The following LRP1B variants were observed in gnomAD, a reference collection of about 807,000 sequenced individuals.
LRP1B encodes low-density lipoprotein receptor-related protein 1B.
Under a neutral mutation model 556.6 loss-of-function variants are expected in LRP1B, and 217 were observed. That is an observed-to-expected ratio of 0.39 (90% CI 0.35 to 0.44). LRP1B has a LOEUF of 0.44. LRP1B is among the 20% of genes least tolerant of loss of function. The pLI, the probability that LRP1B is intolerant of heterozygous loss-of-function variation, is 1.00. For missense variants in LRP1B, 5,053 were observed against 5,620.8 expected (o/e 0.90, Z 3.23); for synonymous variants, 2,047 against 1,865.8 (o/e 1.10, Z -2.50).
intron 41 of LRP1B, among the ~76,000 whole-genome samples, chr2:140,694,990 A>T (rs1336682971): frequency 1.3e-5 from 2 of 150,722 alleles, no homozygotes; most frequent in African/African-American, 2.4e-5. Flanking sequence ...TTCTTTTCAT[A>T]CTTTTTTTTT....
chr2:140,615,547 G>A (rs1414558446), intron 41 of LRP1B, among the ~76,000 whole-genome samples: 1 of 152,066 alleles, frequency 6.6e-6, no homozygotes, highest in Admixed American at 6.6e-5. Flanking sequence ...AACATGACTT[G>A]GTTATGCTTA....
chr2:140,803,876 A>AC (rs1249833130), intron 32 of LRP1B, among the ~76,000 whole-genome samples: 2 of 34,936 alleles, frequency 5.7e-5, no homozygotes, highest in Admixed American at 3.3e-4. Flanking sequence ...CACCCCCCCA[A>AC]CCCCCCCAAA....
At chr2:140,345,769 CAT>C (rs1351068335) in intron 77 of LRP1B, among the ~76,000 whole-genome samples, 51 of 125,682 alleles carry the variant, frequency 4.1e-4, no homozygotes, top group Middle Eastern at 3.9e-3. Flanking sequence ...CATATATACA[CAT>C]ATATATACAT....
chr2:140,302,627 A>G (rs1683884150), intron 83 of LRP1B, among the ~76,000 whole-genome samples: 2 of 152,160 alleles, frequency 1.3e-5, no homozygotes, highest in Non-Finnish European at 2.9e-5. Context: ...TCAGCAGACC[A>G]AGTAAGAAAG....
intron 1 of LRP1B, among the ~76,000 whole-genome samples, chr2:141,978,583 ACAGGG>A (rs1180205492): frequency 6.6e-6 from 1 of 152,014 alleles, no homozygotes; most frequent in Non-Finnish European, 1.5e-5. Context: ...GTATGAAAAT[ACAGGG>A]CAGGTTAATC....
At chr2:141,162,993 G>A (rs1454992283) in intron 7 of LRP1B, among the ~76,000 whole-genome samples, 4 of 152,048 alleles carry the variant, frequency 2.6e-5, no homozygotes, top group African/African-American at 7.2e-5. Flanking sequence ...TCAACCAATG[G>A]AGGAAAGAGG....
intron 1 of LRP1B, among the ~76,000 whole-genome samples, chr2:142,096,537 C>A (rs1706376382): frequency 6.6e-6 from 1 of 151,078 alleles, no homozygotes; most frequent in South Asian, 2.1e-4. Flanking sequence ...ACTAAATGAT[C>A]CATAGGCCTC....
chr2:141,927,897 G>C (rs1198939239), intron 1 of LRP1B, among the ~76,000 whole-genome samples: 3 of 69,092 alleles, frequency 4.3e-5, no homozygotes, highest in African/African-American at 1.2e-4. Context: ...CTCCAACTTG[G>C]CTTTACAAAA....
At chr2:140,275,626 C>T (rs1682639479) in intron 84 of LRP1B, among the ~76,000 whole-genome samples, 1 of 151,966 alleles carries the variant, frequency 6.6e-6, no homozygotes, top group South Asian at 2.1e-4. Context: ...TTATGCCTCT[C>T]ATGGAACTCG....
intron 49 of LRP1B, among the ~76,000 whole-genome samples, chr2:140,522,649 C>G (rs1690232777): frequency 1.4e-5 from 2 of 144,752 alleles, no homozygotes; most frequent in South Asian, 4.5e-4. Context: ...AAAGGTTAGA[C>G]AATGTTGATG....
At chr2:141,610,326 A>T (rs1387280469) in intron 2 of LRP1B, among the ~76,000 whole-genome samples, 38 of 147,468 alleles carry the variant, frequency 2.6e-4, no homozygotes, top group South Asian at 4.4e-4. Context: ...AAAGTATAAT[A>T]ATAATAATAA....
intron 7 of LRP1B, among the ~76,000 whole-genome samples, chr2:141,122,405 GAAA>G (rs56871197): frequency 4.4e-4 from 64 of 144,718 alleles, no homozygotes; most frequent in African/African-American, 1.4e-3. Flanking sequence ...AAACTTACAA[GAAA>G]AAAAAAAAAA....
chr2:141,015,962 C>T (rs1697888409), intron 12 of LRP1B, 47 bp from the exon 13 acceptor site: 1 of 1,394,086 alleles, frequency 7.2e-7, no homozygotes, highest in Non-Finnish European at 1.0e-6. Flanking sequence ...TTATTACAAC[C>T]AGCCACAGTA....
intron 21 of LRP1B, among the ~76,000 whole-genome samples, chr2:140,922,290 A>ACACACG (rs1553560865): frequency 1.2e-4 from 18 of 150,510 alleles, no homozygotes; most frequent in African/African-American, 4.4e-4. Context: ...ATACACACAC[A>ACACACG]CACACACGCA....
intron 2 of LRP1B, among the ~76,000 whole-genome samples, chr2:141,527,843 ATGT>A (rs1684741385): frequency 6.6e-6 from 1 of 152,090 alleles, no homozygotes; most frequent in African/African-American, 2.4e-5. Context: ...TTCTTAGAGT[ATGT>A]TGTTGAATAA....
chr2:140,598,834 A>C lies in LRP1B; in HGVS notation c.6991T>G (p.Leu2331Val). Reference protein sequence around the residue: ...HVLALDECQNLMFWTNWNEQH... With the variant: ...HVLALDECQNVMFWTNWNEQH... ...TCATTCCAGTTGGTCCAAAACATTA[A>C]ACTAATTAAAATGAAAATTGTAACT... Residue 2331 changes from leucine (L) to valine (V), a missense_variant and splice_region_variant, in exon 43 of 91, where the codon TTA becomes GTA. By Grantham distance (32) the Leu-to-Val change is conservative. Coordinates refer to ENST00000389484, the MANE Select transcript of LRP1B (RefSeq NM_018557.3). 1.3e-6 allele frequency: 2 copies of C among 1,574,496 alleles called. No homozygotes were observed. The highest frequency in any genetic ancestry group is 1.1e-5 in the South Asian group (1 of 89,590).
At chr2:140,409,642 T>A (rs1220823278) in intron 66 of LRP1B, among the ~76,000 whole-genome samples, 2 of 152,026 alleles carry the variant, frequency 1.3e-5, no homozygotes, top group Non-Finnish European at 2.9e-5. Flanking sequence ...ACAGCTAATA[T>A]ATATTGATTG....
At chr2:140,772,480 T>C (rs1302718369) in intron 33 of LRP1B, among the ~76,000 whole-genome samples, 1 of 151,996 alleles carries the variant, frequency 6.6e-6, no homozygotes, top group Non-Finnish European at 1.5e-5. Flanking sequence ...TGGATAATTT[T>C]TGTATTTTTA....
chr2:140,687,341 C>A (rs1686083794), intron 41 of LRP1B, among the ~76,000 whole-genome samples: 1 of 152,068 alleles, frequency 6.6e-6, no homozygotes, highest in African/African-American at 2.4e-5. Context: ...TTATAAAAAT[C>A]TTAAAAAGTT....
Sources: allele counts gnomAD v4.1 joint callset (sites outside exome capture counted in the v4.1 genomes callset), GRCh38; gene constraint gnomAD v4.1.1; transcripts MANE v1.5; gene names NCBI Gene and HGNC (gene_info 2026-07-23, HGNC 2026-07-21).